LRP1B: variants seen among roughly 807,000 people sequenced by gnomAD.
LRP1B encodes the protein LDL receptor related protein 1B.
A neutral mutation model predicts 556.6 loss-of-function variants in LRP1B; 217 were observed. That is an observed-to-expected ratio of 0.39 (90% CI 0.35 to 0.44). The LOEUF is 0.44. Among genes scored for constraint, LRP1B ranks in the 20% least tolerant of loss-of-function variants. LRP1B has a pLI of 1.00. For synonymous variants in LRP1B, 2,047 were observed against 1,865.8 expected, an observed-to-expected ratio of 1.10 and a Z score of -2.50; for missense variants, 5,053 against 5,620.8, an observed-to-expected ratio of 0.90 and a Z score of 3.23.
rs1450221470 is a variant in LRP1B at position 141,829,457 on chromosome 2, TAGC to T, written c.83-19059_83-19057del. Among the ~76,000 whole-genome samples the T allele has an allele frequency of 7.2e-5, 11 of 152,246 alleles. No homozygotes were observed. In the East Asian group the frequency reaches 2.1e-3, roughly 29 times the overall value. Reference sequence around the variant, plus strand: ...CTCTGACAAGGGACAAATTTGTGTCTAGCAGCATATTTTGTTCCTTTGCTTCTG... The same window carrying T: ...CTCTGACAAGGGACAAATTTGTGTCTAGCATATTTTGTTCCTTTGCTTCTG... On this transcript the variant is annotated intron_variant, in intron 1 of 90. Transcript: ENST00000389484.
intron 3 of LRP1B, among the ~76,000 whole-genome samples, chr2:141,457,475 C>T (rs916466208): frequency 8.6e-5 from 13 of 152,040 alleles, no homozygotes; most frequent in African/African-American, 2.7e-4. Flanking sequence ...GGAAAAATAG[C>T]TAATACATGC....
At chr2:141,113,292 C>T (rs1473540034) in intron 7 of LRP1B, among the ~76,000 whole-genome samples, 2 of 152,012 alleles carry the variant, frequency 1.3e-5, no homozygotes, top group Admixed American at 1.3e-4. Context: ...TCAGTTAAAA[C>T]AAACCAACAA....
At chr2:140,543,852 TA>T (rs1268789389) in intron 43 of LRP1B, among the ~76,000 whole-genome samples, 2 of 151,962 alleles carry the variant, frequency 1.3e-5, no homozygotes, top group Non-Finnish European at 1.5e-5. Flanking sequence ...AGGCTGTTAT[TA>T]AAAAATCAAT....
chr2:141,005,259 T>C, intron 15 of LRP1B, 76 bp downstream of exon 15: 1 of 1,490,944 alleles, frequency 6.7e-7, no homozygotes, highest in Non-Finnish European at 9.0e-7. Context: ...GTCATTTTAA[T>C]TCCTTTAGTT....
At chr2:141,996,085 C>T (rs955283420) in intron 1 of LRP1B, among the ~76,000 whole-genome samples, 1 of 152,020 alleles carries the variant, frequency 6.6e-6, no homozygotes. Flanking sequence ...AAGTCTGTCT[C>T]TACTCAAAAT....
chr2:141,843,327 T>C (rs2105763191), intron 1 of LRP1B, among the ~76,000 whole-genome samples: 1 of 152,276 alleles, frequency 6.6e-6, no homozygotes, highest in Admixed American at 6.5e-5. Context: ...AATCCATCAT[T>C]ATTATAGAAT....
At chr2:140,838,871 T>C (rs1692007782) in intron 31 of LRP1B, among the ~76,000 whole-genome samples, 1 of 152,184 alleles carries the variant, frequency 6.6e-6, no homozygotes. Flanking sequence ...TATTATAATA[T>C]AGACATCTAC....
At chr2:142,089,372 AC>A (rs1167507874) in intron 1 of LRP1B, among the ~76,000 whole-genome samples, 2 of 152,216 alleles carry the variant, frequency 1.3e-5, no homozygotes, top group African/African-American at 4.8e-5. Flanking sequence ...AGGTGCATAG[AC>A]CAAAACGTCT....
At chr2:140,664,430 A>T (rs1685199597) in intron 41 of LRP1B, among the ~76,000 whole-genome samples, 2 of 152,270 alleles carry the variant, frequency 1.3e-5, no homozygotes, top group Middle Eastern at 3.4e-3. Flanking sequence ...TCTCTGTTCA[A>T]CTATTCTTTC....
rs1414875555 is a variant in LRP1B, at chr2:140,601,433, A to C, written c.6989+17T>G. The C allele has an allele frequency of 6.4e-7, 1 of 1,557,932 alleles. No homozygotes were observed. The highest frequency in any genetic ancestry group is 2.3e-5 in the East Asian group (1 of 43,996). On this transcript the variant is annotated intron_variant, in intron 42 of 90. Coordinates refer to ENST00000389484, the MANE Select transcript of LRP1B (RefSeq NM_018557.3). ...CTTATAACTATAATGAAGAAATAAA[A>C]CTACACTGTTTCTTACTTTTGACAT...
chr2:141,284,446 T>G (rs758630374), intron 3 of LRP1B, among the ~76,000 whole-genome samples: 2 of 152,210 alleles, frequency 1.3e-5, no homozygotes, highest in African/African-American at 4.8e-5. Context: ...AGGTGGTTAT[T>G]GAATAGTTCT....
chr2:141,835,004 G>T (rs1697226378), intron 1 of LRP1B, among the ~76,000 whole-genome samples: 1 of 151,850 alleles, frequency 6.6e-6, no homozygotes, highest in Admixed American at 6.6e-5. Context: ...AAGATCAATT[G>T]ATATTGTATA....
intron 1 of LRP1B, among the ~76,000 whole-genome samples, chr2:141,932,981 G>A (rs974150159): frequency 2.0e-5 from 3 of 151,758 alleles, no homozygotes; most frequent in Non-Finnish European, 4.4e-5. Flanking sequence ...TTTCCTGCTT[G>A]TTTATGTAAC....
chr2:140,334,432 A>G (rs756179548), intron 79 of LRP1B, 21 bp downstream of exon 79: 7 of 1,386,768 alleles, frequency 5.0e-6, no homozygotes, highest in Middle Eastern at 1.8e-4. Context: ...TTCATATTTT[A>G]GCGTGTGTCA....
chr2:141,745,243 G>A (rs1693869023), intron 2 of LRP1B, among the ~76,000 whole-genome samples: 1 of 152,124 alleles, frequency 6.6e-6, no homozygotes, highest in Non-Finnish European at 1.5e-5. Context: ...AAGTGGCAAA[G>A]TCAGCTAGAC....
intron 41 of LRP1B, among the ~76,000 whole-genome samples, chr2:140,667,394 GCA>G (rs1489475719): frequency 6.6e-6 from 1 of 152,144 alleles, no homozygotes; most frequent in Non-Finnish European, 1.5e-5. Flanking sequence ...TACCTAAAGA[GCA>G]GTTGATACAT....
chr2:141,967,413 C>T (rs1701594805), intron 1 of LRP1B, among the ~76,000 whole-genome samples: 1 of 151,702 alleles, frequency 6.6e-6, no homozygotes, highest in Non-Finnish European at 1.5e-5. Context: ...TCATTTATTA[C>T]AGGATTATCA....
chr2:140,520,097 T>C (rs375797122), intron 49 of LRP1B, among the ~76,000 whole-genome samples: 1 of 152,130 alleles, frequency 6.6e-6, no homozygotes, highest in Non-Finnish European at 1.5e-5. Flanking sequence ...CTAGTGATCC[T>C]ATTACTGGGT....
chr2:141,632,582 G>A (rs181582225), intron 2 of LRP1B, among the ~76,000 whole-genome samples: 2 of 152,106 alleles, frequency 1.3e-5, no homozygotes, highest in Non-Finnish European at 2.9e-5. Flanking sequence ...TCTGAGTCTG[G>A]TTTAAAACAC....
Sources: gnomAD v4.1 joint callset for allele counts (sites outside exome capture counted in the v4.1 genomes callset) on GRCh38, gnomAD v4.1.1 for gene constraint, MANE v1.5 for transcripts, NCBI Gene and HGNC (gene_info 2026-07-23, HGNC 2026-07-21) for gene names.